The following TEC variants were observed in gnomAD, a reference collection of about 807,000 sequenced individuals.
The protein encoded by TEC is tec protein tyrosine kinase, also known as tyrosine-protein kinase Tec.
Under a neutral mutation model 93.0 loss-of-function variants are expected in TEC, and 72 were observed. The ratio of observed to expected loss-of-function variants is 0.77; its 90% confidence interval spans 0.64 to 0.94. TEC has a LOEUF of 0.94. Among genes scored for constraint, TEC ranks in the 40% least tolerant of loss-of-function variants. The pLI is 0.00. For missense variants in TEC, 630 were observed against 757.9 expected (o/e 0.83, Z 1.98); for synonymous variants, 249 against 247.7 (o/e 1.01, Z -0.05).
At position 48,198,325 on chromosome 4, in the gene TEC, T is replaced by C. The variant is rs76054089; in HGVS notation, c.139-22139A>G. 6.8e-3 allele frequency among the ~76,000 whole-genome samples: 1,032 copies of C among 152,238 alleles called. 5 individuals are homozygous for C. Among genetic ancestry groups the C allele is most frequent in the African/African-American group, 0.024 (993 of 41,550 alleles). Reference sequence around the variant, plus strand: ...ATAAATAAGATAAACAAGTTCCCCATGTGAGGGAGTCCCCAGGTTCCAGGT... The same window carrying C: ...ATAAATAAGATAAACAAGTTCCCCACGTGAGGGAGTCCCCAGGTTCCAGGT... On this transcript the variant is annotated intron_variant, in intron 2 of 17. Transcript: ENST00000381501.
intron 1 of TEC, among the ~76,000 whole-genome samples, chr4:48,263,512 G>A (rs1254014480): frequency 3.9e-5 from 6 of 152,218 alleles, no homozygotes; most frequent in Admixed American, 6.5e-5. Context: ...CCAGGAGTTC[G>A]AGGCCAGCCT....
chr4:48,191,718 G>A (rs1722099355), intron 2 of TEC, among the ~76,000 whole-genome samples: 1 of 151,766 alleles, frequency 6.6e-6, no homozygotes, highest in African/African-American at 2.4e-5. Flanking sequence ...TGTAATCCCA[G>A]CAACATAACA....
chr4:48,238,755 G>A (rs2704411), intron 1 of TEC, among the ~76,000 whole-genome samples: 10,233 of 150,862 alleles, frequency 0.068, 1,191 homozygotes, highest in African/African-American at 0.24. Flanking sequence ...TTGCAGTAAA[G>A]TGTGGCCATC....
chr4:48,208,023 A>C (rs1306266037), intron 2 of TEC, among the ~76,000 whole-genome samples: 1 of 152,204 alleles, frequency 6.6e-6, no homozygotes. Context: ...TGAGGACCCC[A>C]GTGAGAACAG....
At chr4:48,173,165 C>G (rs750518904) in intron 3 of TEC, among the ~76,000 whole-genome samples, 1 of 152,008 alleles carries the variant, frequency 6.6e-6, no homozygotes, top group Non-Finnish European at 1.5e-5. Flanking sequence ...CCCCAAATAT[C>G]CCTTGACTAT....
intron 3 of TEC, among the ~76,000 whole-genome samples, chr4:48,174,263 C>G (rs1721233422): frequency 6.6e-6 from 1 of 152,162 alleles, no homozygotes; most frequent in Admixed American, 6.5e-5. Flanking sequence ...CAGAGTGAAT[C>G]TCTCTTTCTT....
rs893558658 is a variant in TEC, at chr4:48,143,316, T to C, written c.1470+1763A>G. 2.0e-5 allele frequency among the ~76,000 whole-genome samples: 3 copies of C among 152,248 alleles called. No individual in the cohort carries two copies. The South Asian group carries it at 6.2e-4, about 31-fold the overall frequency. On this transcript the variant is annotated intron_variant, in intron 14 of 17. Transcript: ENST00000381501. ...AGGCACAGAAATGTAAGAATCGTTT[T>C]TGCCAAAACATCATCTGTGTGGACA...
At chr4:48,192,548 G>A (rs569420660) in intron 2 of TEC, among the ~76,000 whole-genome samples, 8 of 152,178 alleles carry the variant, frequency 5.3e-5, no homozygotes, top group East Asian at 1.9e-4. Context: ...CCCTGCTCTC[G>A]GAAACCCTGA....
At chr4:48,188,726 C>T (rs1000408216) in intron 2 of TEC, among the ~76,000 whole-genome samples, 7 of 152,092 alleles carry the variant, frequency 4.6e-5, no homozygotes, top group Non-Finnish European at 8.8e-5. Flanking sequence ...GCATTTTTTT[C>T]ACTTTTATAT....
intron 14 of TEC, among the ~76,000 whole-genome samples, chr4:48,141,945 C>T (rs1190818728): frequency 6.6e-6 from 1 of 152,160 alleles, no homozygotes; most frequent in African/African-American, 2.4e-5. Context: ...CGAGCAACCT[C>T]ACCGGCCAAC....
chr4:48,200,210 G>C (rs772133363), intron 2 of TEC, among the ~76,000 whole-genome samples: 2 of 151,906 alleles, frequency 1.3e-5, no homozygotes, highest in East Asian at 1.9e-4. Flanking sequence ...AAAGGACATA[G>C]GTAATGTACA....
intron 2 of TEC, among the ~76,000 whole-genome samples, chr4:48,211,171 TCTCACTCC>T (rs1446351704): frequency 6.6e-6 from 1 of 152,258 alleles, no homozygotes. Flanking sequence ...CCTCTTAGTC[TCTCACTCC>T]CTAACTTCAC....
intron 5 of TEC, among the ~76,000 whole-genome samples, chr4:48,169,591 T>A (rs1459272959): frequency 6.6e-6 from 1 of 152,076 alleles, no homozygotes; most frequent in African/African-American, 2.4e-5. Flanking sequence ...CTCTGTCAGT[T>A]CTGATGGACC....
chr4:48,195,144 C>G (rs1469341723), intron 2 of TEC, among the ~76,000 whole-genome samples: 2 of 152,118 alleles, frequency 1.3e-5, no homozygotes, highest in African/African-American at 4.8e-5. Context: ...TTCTGCAAGA[C>G]AATGGGAGTA....
intron 3 of TEC, among the ~76,000 whole-genome samples, chr4:48,173,703 C>T (rs1721207829): frequency 6.6e-6 from 1 of 152,246 alleles, no homozygotes; most frequent in Non-Finnish European, 1.5e-5. Flanking sequence ...TCCATCCACT[C>T]ATTCATTTAT....
At chr4:48,186,526 G>A (rs1411097553) in intron 2 of TEC, among the ~76,000 whole-genome samples, 2 of 149,662 alleles carry the variant, frequency 1.3e-5, no homozygotes, top group African/African-American at 4.9e-5. Flanking sequence ...GGGAACTGAG[G>A]AGTGTCTCTG....
Position 48,150,867 on chromosome 4 carries a change from C to G in TEC, c.868G>C (p.Gly290Arg). The G allele has an allele frequency of 6.5e-7, 1 of 1,528,814 alleles. No homozygotes were observed. Among genetic ancestry groups the G allele is most frequent in the Non-Finnish European group, 8.8e-7 (1 of 1,140,286 alleles). 94.7% of individuals were successfully genotyped at this position (1,528,814 alleles called of 1,614,324 possible). ...LYTVSLYTKF[G>R]GEGSSGFRHY... ...AAAAATGGCAGGATTACTCACCCTC[C>G]AAACTTGGTATAAAGGGAGACTGTG... The change falls in exon 10 of 18, where the codon GGA (glycine) becomes CGA (arginine). Residue 290 changes from glycine to arginine, a missense_variant. Gly to Arg is a moderately radical substitution (Grantham distance 125). Transcript: ENST00000381501.
chr4:48,149,521 C>A, intron 11 of TEC, 36 bp downstream of exon 11: 1 of 1,552,074 alleles, frequency 6.4e-7, no homozygotes, highest in Non-Finnish European at 8.7e-7. Flanking sequence ...TTAATCACTA[C>A]CTTATATTTG....
chr4:48,179,240 C>T (rs536113307), intron 2 of TEC, among the ~76,000 whole-genome samples: 1 of 151,240 alleles, frequency 6.6e-6, no homozygotes, highest in Admixed American at 6.6e-5. Flanking sequence ...AGGATTACTA[C>T]ACCCATTTTA....
Sources: gnomAD v4.1 joint callset for allele counts (sites outside exome capture counted in the v4.1 genomes callset) on GRCh38, gnomAD v4.1.1 for gene constraint, MANE v1.5 for transcripts, NCBI Gene and HGNC (gene_info 2026-07-23, HGNC 2026-07-21) for gene names.